UBE2Q1: variants seen among roughly 807,000 people sequenced by gnomAD.
The protein encoded by UBE2Q1 is ubiquitin conjugating enzyme E2 Q1.
In UBE2Q1, 6 loss-of-function variants were observed where a neutral mutation model predicts 60.1. The ratio of observed to expected loss-of-function variants is 0.10; its 90% CI spans 0.05 to 0.20. The LOEUF (loss-of-function observed/expected upper bound fraction) is 0.20. UBE2Q1 is among the 10% of genes least tolerant of loss of function. The pLI is 1.00. For synonymous variants in UBE2Q1, 226 were observed against 208.3 expected (o/e 1.09, Z -0.73); for missense variants, 262 against 525.8 (o/e 0.50, Z 4.91).
At chr1:154,554,646 C>G (rs1405869795) in intron 4 of UBE2Q1, 89 bp downstream of exon 4, 22 of 1,342,548 alleles carry the variant, frequency 1.6e-5, no homozygotes, top group South Asian at 1.1e-4. Context: ...TTTTCTCTCT[C>G]CAGTTTTAGA....
At chr1:154,550,876 T>G in intron 12 of UBE2Q1, 62 bp downstream of exon 12, 3 of 1,613,570 alleles carry the variant, frequency 1.9e-6, no homozygotes, top group Non-Finnish European at 2.5e-6. Context: ...GCTCTGTGGC[T>G]GGAAGTGAAA....
chr1:154,558,210 C>G lies in UBE2Q1; in HGVS notation c.327+17G>C. ...GACAAGGGGCCCCCACAGAGGCGCACGCGAGGGGGTCCTCACCGTGATGTT... is the reference window on the plus strand; with the variant it reads ...GACAAGGGGCCCCCACAGAGGCGCAGGCGAGGGGGTCCTCACCGTGATGTT... On this transcript the variant is annotated intron_variant, in intron 1 of 12. Coordinates refer to ENST00000292211, the MANE Select transcript of UBE2Q1 (RefSeq NM_017582.7). 1 of 1,506,376 alleles carries G rather than the reference C, an allele frequency of 6.6e-7. No homozygotes were observed. 93.3% of individuals were successfully genotyped at this position (1,506,376 alleles called of 1,614,324 possible). A position where few individuals can be genotyped will look rare whatever the true frequency, so the allele number is the denominator to read the frequency against.
intron 3 of UBE2Q1, 22 bp from the exon 4 acceptor site, chr1:154,554,807 T>C (rs1382738008): frequency 3.1e-6 from 5 of 1,612,310 alleles, no homozygotes; most frequent in Admixed American, 1.7e-5. Flanking sequence ...AAGGGAAAGA[T>C]GGAGATCAGA....
intron 1 of UBE2Q1, among the ~76,000 whole-genome samples, chr1:154,556,786 C>G (rs926995601): frequency 6.6e-6 from 1 of 152,194 alleles, no homozygotes; most frequent in South Asian, 2.1e-4. Flanking sequence ...CAGGGACAAA[C>G]GCAGTAAATG....
chr1:154,556,678 ACTCC>A (rs1326352627), intron 1 of UBE2Q1, among the ~76,000 whole-genome samples: 3 of 152,024 alleles, frequency 2.0e-5, no homozygotes, highest in African/African-American at 7.3e-5. Context: ...GCCTGACCAG[ACTCC>A]CTCTCTGCCC....
chr1:154,554,728 A>G lies in UBE2Q1; in HGVS notation c.588+7T>C, dbSNP rs758759583. The G allele has an allele frequency of 6.2e-7, 1 of 1,613,280 alleles. No individual in the cohort carries two copies. Among genetic ancestry groups the G allele is most frequent in the Non-Finnish European group, 8.5e-7 (1 of 1,179,402 alleles). ...CCAGCCAATGCCACCTCAGGGGGCA[A>G]GCCTACCTCAGGCATCTCCTCATCT... On this transcript the variant is annotated splice_region_variant and intron_variant, in intron 4 of 12. Coordinates refer to ENST00000292211, the MANE Select transcript of UBE2Q1 (RefSeq NM_017582.7).
In UBE2Q1 at chr1:154,558,307, C is replaced by T. The variant is rs1264335540; in HGVS notation, c.247G>A (p.Ala83Thr). The change falls in exon 1 of 13, where the codon GCG (alanine) becomes ACG (threonine). Residue 83 changes from alanine (A) to threonine (T), a missense_variant. By Grantham distance (58) the Ala-to-Thr change is moderately conservative. Transcript: ENST00000292211. ...FLLAGAGGAG[A>T]GAAPGPHLPP... is the part of the protein sequence containing the mutation. ...AGATGCGGTCCGGGCGCGGCCCCCG[C>T]CCCGGCCCCTCCGGCCCCAGCCAGC... 1.3e-6 allele frequency: 2 copies of T among 1,583,008 alleles called. No individual in the cohort carries two copies. The highest frequency in any genetic ancestry group is 1.4e-5 in the African/African-American group (1 of 72,932).
rs941261285 is a variant in UBE2Q1 at position 154,558,605 on chromosome 1, G to A, written c.-52C>T. 2.7e-5 allele frequency: 27 copies of A among 981,962 alleles called. No individual in the cohort carries two copies. The highest frequency in any genetic ancestry group is 3.2e-5 in the Non-Finnish European group (27 of 841,386). 60.8% of individuals were successfully genotyped at this position (981,962 alleles called of 1,614,324 possible). A position where few individuals can be genotyped will look rare whatever the true frequency, so the allele number is the denominator to read the frequency against. On this transcript the variant is annotated 5_prime_UTR_variant, in exon 1 of 13. Coordinates refer to ENST00000292211, the MANE Select transcript of UBE2Q1 (RefSeq NM_017582.7). The stretch of plus-strand genomic sequence containing the variant: ...GGCGGGCCGGGAGCCTCCGGCCTGC[G>A]CTCCGGGCTCCGCCGCCGCCGCCGC...
intron 11 of UBE2Q1, 102 bp from the exon 12 acceptor site, chr1:154,551,106 C>T (rs1190446858): frequency 7.2e-7 from 1 of 1,380,070 alleles, no homozygotes; most frequent in African/African-American, 1.4e-5. Context: ...TCCCAGCTCC[C>T]AGCACTGTGG....
intron 11 of UBE2Q1, 117 bp from the exon 12 acceptor site, chr1:154,551,121 G>A: frequency 8.4e-7 from 1 of 1,189,570 alleles, no homozygotes; most frequent in Non-Finnish European, 1.2e-6. Context: ...CTGTGGTCTA[G>A]TAAAACACTA....
intron 5 of UBE2Q1, 103 bp downstream of exon 5, chr1:154,552,929 C>A: frequency 2.5e-6 from 4 of 1,584,634 alleles, no homozygotes; most frequent in South Asian, 2.3e-5. Context: ...AAGGATTAGG[C>A]ACAAAAAAGG....
chr1:154,556,053 A>C, intron 1 of UBE2Q1, 89 bp from the exon 2 acceptor site: 1 of 1,163,130 alleles, frequency 8.6e-7, no homozygotes, highest in Non-Finnish European at 1.3e-6. Flanking sequence ...CAAGACTTCT[A>C]GCCCCTTTGC....
chr1:154,550,235 G>C lies in UBE2Q1; in HGVS notation c.*203C>G. 1 of 716,878 alleles carries C rather than the reference G, an allele frequency of 1.4e-6. No homozygotes were observed. Among genetic ancestry groups the C allele is most frequent in the Non-Finnish European group, 2.3e-6 (1 of 430,956 alleles). The allele number at this position is 716,878 out of a possible 1,614,324, so 44.4% of individuals were successfully genotyped here. On this transcript the variant is annotated 3_prime_UTR_variant, in exon 13 of 13. Coordinates refer to ENST00000292211, the MANE Select transcript of UBE2Q1 (RefSeq NM_017582.7). ...AGGTGGTTGGTTGGTCTGTAAGTCA[G>C]TCTTGAGTACTTGAAACAGTTCTGT...
In UBE2Q1 at chr1:154,552,122, C is replaced by A; in HGVS notation, c.937G>T (p.Asp313Tyr). 6.2e-7 allele frequency: 1 copy of A among 1,614,166 alleles called. No individual in the cohort carries two copies. Among genetic ancestry groups the A allele is most frequent in the South Asian group, 1.1e-5 (1 of 91,052 alleles). ...LQILKEKEGADFILLNFSFKD... is the reference protein window; with the variant it reads ...LQILKEKEGAYFILLNFSFKD... ...AAGGAAAAGTTAAGTAGAATGAAGTCGGCTCCTTCTTTCTCTTTGAGGATC... is the reference window on the plus strand; with the variant it reads ...AAGGAAAAGTTAAGTAGAATGAAGTAGGCTCCTTCTTTCTCTTTGAGGATC... The change falls in exon 8 of 13, where the codon GAC (aspartate) becomes TAC (tyrosine). Residue 313 changes from aspartate to tyrosine, a missense_variant. Coordinates refer to ENST00000292211, the MANE Select transcript of UBE2Q1 (RefSeq NM_017582.7).
intron 3 of UBE2Q1, chr1:154,555,011 A>G (rs1289895149): frequency 5.4e-6 from 3 of 551,474 alleles, no homozygotes; most frequent in Admixed American, 6.5e-5. Flanking sequence ...AAGAAAAGCA[A>G]AATGGCTGTC....
At chr1:154,554,149 A>G (rs1695843094) in intron 4 of UBE2Q1, among the ~76,000 whole-genome samples, 1 of 152,166 alleles carries the variant, frequency 6.6e-6, no homozygotes, top group East Asian at 1.9e-4. Context: ...TATCCATTTT[A>G]TAGATGCGGA....
At chr1:154,554,348 A>G (rs1000221447) in intron 4 of UBE2Q1, among the ~76,000 whole-genome samples, 5 of 152,254 alleles carry the variant, frequency 3.3e-5, no homozygotes, top group African/African-American at 1.2e-4. Flanking sequence ...CATTTTATAT[A>G]TAACACCTCA....
At chr1:154,552,282 C>T in intron 7 of UBE2Q1, 99 bp from the exon 8 acceptor site, 1 of 1,589,036 alleles carries the variant, frequency 6.3e-7, no homozygotes, top group Non-Finnish European at 8.6e-7. Context: ...GAAACCACTG[C>T]CCACACCCGC....
Position 154,558,214 on chromosome 1 carries a change from A to G in UBE2Q1, c.327+13T>C. On this transcript the variant is annotated intron_variant, in intron 1 of 12. Coordinates refer to ENST00000292211, the MANE Select transcript of UBE2Q1 (RefSeq NM_017582.7). ...AGGGGCCCCCACAGAGGCGCACGCG[A>G]GGGGGTCCTCACCGTGATGTTGCAG... is the stretch of plus-strand genomic sequence containing the variant. 1 of 1,513,594 alleles carries G rather than the reference A, an allele frequency of 6.6e-7. No homozygotes were observed. Among genetic ancestry groups the G allele is most frequent in the Non-Finnish European group, 8.8e-7 (1 of 1,131,512 alleles). 93.8% of individuals were successfully genotyped at this position (1,513,594 alleles called of 1,614,324 possible).
Sources: gnomAD v4.1 joint callset for allele counts (sites outside exome capture counted in the v4.1 genomes callset) on GRCh38, gnomAD v4.1.1 for gene constraint, MANE v1.5 for transcripts, NCBI Gene and HGNC (gene_info 2026-07-23, HGNC 2026-07-21) for gene names.